The following THRAP3 variants were observed in gnomAD, a reference collection of about 807,000 sequenced individuals.
The protein encoded by THRAP3 is thyroid hormone receptor associated protein 3, also known as thyroid hormone receptor-associated protein 3.
A neutral mutation model predicts 101.0 loss-of-function variants in THRAP3; 16 were observed. That is an observed-to-expected ratio of 0.16 (90% CI 0.11 to 0.24). The LOEUF (loss-of-function observed/expected upper bound fraction) is 0.24, where lower values mean the gene tolerates loss of function less well. Among genes scored for constraint, THRAP3 ranks in the 10% least tolerant of loss-of-function variants. The pLI is 1.00. For synonymous variants in THRAP3, 407 were observed against 422.6 expected (o/e 0.96, Z 0.45); for missense variants, 989 against 1,202.7 (o/e 0.82, Z 2.63).
At chr1:36,294,804 C>T (rs762034113) in intron 8 of THRAP3, among the ~76,000 whole-genome samples, 2 of 152,168 alleles carry the variant, frequency 1.3e-5, no homozygotes, top group Non-Finnish European at 2.9e-5. Context: ...CCTCCATGCC[C>T]CAAAAAAGCC....
Position 36,288,344 on chromosome 1 carries a change from T to C in THRAP3, c.1041-716T>C, listed in dbSNP as rs574335402. ...CCTTGAGTTCCCAAAGTTCATTATG[T>C]CATTCTTATGCCTTTGGGTCCTCAT... is the stretch of plus-strand genomic sequence containing the variant. On this transcript the variant is annotated intron_variant, in intron 4 of 11. Coordinates refer to ENST00000354618, the MANE Select transcript of THRAP3 (RefSeq NM_005119.4). The C allele has an allele frequency of 1.8e-4, 177 of 968,304 alleles. No homozygotes were observed. The African/African-American group carries it at 2.6e-3, about 14-fold the overall frequency. The allele number at this position is 968,304 out of a possible 1,614,324, so 60.0% of individuals were successfully genotyped here. A position where few individuals can be genotyped will look rare whatever the true frequency, so the allele number is the denominator to read the frequency against.
intron 2 of THRAP3, among the ~76,000 whole-genome samples, chr1:36,276,812 A>G (rs1163048937): frequency 1.3e-5 from 2 of 151,150 alleles, no homozygotes; most frequent in Non-Finnish European, 3.0e-5. Context: ...AGCCGAGATC[A>G]CGCCACTGCA....
At chr1:36,222,675 T>A (rs1444183463), upstream of THRAP3, among the ~76,000 whole-genome samples, 1 of 152,044 alleles carries the variant, frequency 6.6e-6, no homozygotes, top group Non-Finnish European at 1.5e-5. Context: ...TCCCAAAGCG[T>A]TGGGATTACC....
At chr1:36,247,501 T>A (rs1012062395) in intron 1 of THRAP3, among the ~76,000 whole-genome samples, 1 of 151,924 alleles carries the variant, frequency 6.6e-6, no homozygotes, top group Non-Finnish European at 1.5e-5. Flanking sequence ...ATTTTTTGTA[T>A]TTTTAGTAAA....
chr1:36,232,385 C>T (rs759751209), intron 1 of THRAP3, among the ~76,000 whole-genome samples: 7 of 152,104 alleles, frequency 4.6e-5, no homozygotes, highest in Non-Finnish European at 7.3e-5. Context: ...ACACATGTAT[C>T]TATTACATTG....
At chr1:36,290,985 T>C (rs573608984) in intron 5 of THRAP3, among the ~76,000 whole-genome samples, 2 of 152,074 alleles carry the variant, frequency 1.3e-5, no homozygotes, top group South Asian at 2.1e-4. Flanking sequence ...TTTTTATTGA[T>C]TGATTGATTG....
chr1:36,263,207 C>T (rs540873378), intron 2 of THRAP3, among the ~76,000 whole-genome samples: 1 of 152,064 alleles, frequency 6.6e-6, no homozygotes, highest in South Asian at 2.1e-4. Flanking sequence ...TCAGGTGATC[C>T]TCCTGCTTCG....
intron 1 of THRAP3, chr1:36,225,394 G>A (rs1354126877): frequency 6.6e-6 from 1 of 152,114 alleles, no homozygotes; most frequent in African/African-American, 2.4e-5. Context: ...TCTTGGCCCT[G>A]CTATCTTTTG....
chr1:36,243,995 G>T (rs1327218918), intron 1 of THRAP3, among the ~76,000 whole-genome samples: 1 of 143,926 alleles, frequency 6.9e-6, no homozygotes, highest in Non-Finnish European at 1.5e-5. Context: ...CTCCCTCCCG[G>T]ACGGGGCGGC....
At chr1:36,244,065 G>A (rs1645202586) in intron 1 of THRAP3, among the ~76,000 whole-genome samples, 1 of 152,060 alleles carries the variant, frequency 6.6e-6, no homozygotes, top group South Asian at 2.1e-4. Context: ...TGGCCGGGCA[G>A]AGGGGCTCCT....
chr1:36,256,521 G>T (rs973712536), intron 1 of THRAP3, among the ~76,000 whole-genome samples: 1 of 151,896 alleles, frequency 6.6e-6, no homozygotes, highest in East Asian at 1.9e-4. Flanking sequence ...CACTGCGCCC[G>T]ACCCTGCCTG....
chr1:36,288,393 T>C lies in THRAP3; in HGVS notation c.1041-667T>C, dbSNP rs541464912. 23 of 985,356 alleles carry C rather than the reference T, an allele frequency of 2.3e-5. No homozygotes were observed. The African/African-American group carries it at 4.0e-4, about 17-fold the overall frequency. The allele number at this position is 985,356 out of a possible 1,614,324, so 61.0% of individuals were successfully genotyped here. A position where few individuals can be genotyped will look rare whatever the true frequency, so the allele number is the denominator to read the frequency against. On this transcript the variant is annotated intron_variant, in intron 4 of 11. Coordinates refer to ENST00000354618, the MANE Select transcript of THRAP3 (RefSeq NM_005119.4). ...ATAGTGTAGCTCCCAAGTAAGTCTA[T>C]TTTAAAACATAAGTTTTGTTCCATG...
In THRAP3 at chr1:36,300,889, G is replaced by A. The variant is rs1646022821; in HGVS notation, c.2307G>A (p.Lys769=). The A allele has an allele frequency of 6.2e-7, 1 of 1,612,772 alleles. No homozygotes were observed. The change falls in exon 10 of 12, where the codon AAG becomes AAA. Residue 769 remains lysine, a synonymous_variant. Coordinates refer to ENST00000354618, the MANE Select transcript of THRAP3 (RefSeq NM_005119.4). ...CCTGGCTCTTCTCTTTTCACAGGAA[G>A]CATCGGAGAGCAAGAGACAGGTCCA... is the stretch of plus-strand genomic sequence containing the variant. The part of the protein sequence containing the change: ...KTHKGSKKQK[K]HRRARDRSRS...
intron 2 of THRAP3, 65 bp downstream of exon 2, chr1:36,259,549 G>T (rs1250728976): frequency 7.6e-6 from 3 of 397,266 alleles, no homozygotes; most frequent in Non-Finnish European, 1.3e-5. Context: ...CTTACGTTAA[G>T]AATTGATTAT....
chr1:36,285,750 AT>A (rs1645786871), intron 3 of THRAP3, among the ~76,000 whole-genome samples: 2 of 152,126 alleles, frequency 1.3e-5, no homozygotes, highest in African/African-American at 4.8e-5. Context: ...TGCTTATGTG[AT>A]TTTAGTAAGT....
At chr1:36,270,266 G>A (rs1645570316) in intron 2 of THRAP3, among the ~76,000 whole-genome samples, 1 of 152,050 alleles carries the variant, frequency 6.6e-6, no homozygotes, top group African/African-American at 2.4e-5. Flanking sequence ...GGCACATGCC[G>A]GTAGTCCCAG....
At chr1:36,226,328 C>T (rs1316919901) in intron 1 of THRAP3, among the ~76,000 whole-genome samples, 2 of 152,154 alleles carry the variant, frequency 1.3e-5, no homozygotes, top group African/African-American at 4.8e-5. Context: ...GGCACAATCT[C>T]GGCTCACTGC....
At chr1:36,239,179 C>T (rs1645125553) in intron 1 of THRAP3, among the ~76,000 whole-genome samples, 1 of 150,208 alleles carries the variant, frequency 6.7e-6, no homozygotes, top group Non-Finnish European at 1.5e-5. Flanking sequence ...TCTGGGATTA[C>T]AGGTGTGAGC....
the THRAP3 span, among the ~76,000 whole-genome samples, chr1:36,215,995 C>T: frequency 1.3e-5 from 2 of 151,908 alleles, no homozygotes; most frequent in Non-Finnish European, 2.9e-5. Context: ...GTGATCCACC[C>T]GCCTCAGCCT....
Sources: allele counts gnomAD v4.1 joint callset (sites outside exome capture counted in the v4.1 genomes callset), GRCh38; gene constraint gnomAD v4.1.1; transcripts MANE v1.5; gene names NCBI Gene and HGNC (gene_info 2026-07-23, HGNC 2026-07-21).